The following BRINP3 variants were observed in gnomAD, a reference collection of about 807,000 sequenced individuals.
BRINP3 encodes the protein BMP/retinoic acid-inducible neural-specific protein 3.
Under a neutral mutation model 71.0 loss-of-function variants are expected in BRINP3, and 19 were observed. The ratio of observed to expected loss-of-function variants is 0.27; its 90% confidence interval spans 0.19 to 0.39. The LOEUF is 0.39. Among genes scored for constraint, BRINP3 ranks in the 10% least tolerant of loss-of-function variants. The probability of loss-of-function intolerance (pLI) is 1.00; values close to 1 mark genes in which losing one functional copy is unlikely to be tolerated. For synonymous variants in BRINP3, 380 were observed against 337.7 expected, an observed-to-expected ratio of 1.13 and a Z score of -1.37; for missense variants, 959 against 940.8, an observed-to-expected ratio of 1.02 and a Z score of -0.25.
At chr1:190,386,984 A>G (rs1305830272) in intron 2 of BRINP3, among the ~76,000 whole-genome samples, 1 of 151,958 alleles carries the variant, frequency 6.6e-6, no homozygotes, top group Non-Finnish European at 1.5e-5. Flanking sequence ...GCACCACCAC[A>G]CCACCAAAAA....
Position 190,340,269 on chromosome 1 carries a change from T to C in BRINP3, c.237-58519A>G, listed in dbSNP as rs79883548. On this transcript the variant is annotated intron_variant, in intron 2 of 7. Transcript: ENST00000367462. ...GAAAAGTAATCAAGGAATAGAAAAA[T>C]GGAGGACACTCCCCAAAAGACATTT... Among the ~76,000 whole-genome samples the C allele has an allele frequency of 5.1e-3, 777 of 151,882 alleles. 7 individuals are homozygous for C. Among genetic ancestry groups the C allele is most frequent in the African/African-American group, 0.018 (729 of 41,524 alleles).
chr1:190,227,309 A>G (rs1657483403), intron 5 of BRINP3, among the ~76,000 whole-genome samples: 1 of 151,874 alleles, frequency 6.6e-6, no homozygotes. Flanking sequence ...CATTTAGAAA[A>G]AAATTAATTT....
intron 2 of BRINP3, among the ~76,000 whole-genome samples, chr1:190,396,713 GATATATATAT>G (rs3077327): frequency 7.9e-5 from 8 of 101,006 alleles, no homozygotes; most frequent in East Asian, 3.0e-4. Context: ...CTAATTTAAT[GATATATATAT>G]ATATATATAT....
intron 2 of BRINP3, among the ~76,000 whole-genome samples, chr1:190,393,755 G>A (rs925862685): frequency 6.6e-6 from 1 of 151,440 alleles, no homozygotes; most frequent in African/African-American, 2.4e-5. Context: ...AACCTGGAGT[G>A]CATGTATTAC....
chr1:190,189,857 T>C (rs1653881501), intron 6 of BRINP3, among the ~76,000 whole-genome samples: 1 of 152,188 alleles, frequency 6.6e-6, no homozygotes, highest in Non-Finnish European at 1.5e-5. Flanking sequence ...TATTGTAAGA[T>C]ACAGGTACTT....
At chr1:190,449,858 T>C (rs992112136) in intron 2 of BRINP3, among the ~76,000 whole-genome samples, 1 of 152,192 alleles carries the variant, frequency 6.6e-6, no homozygotes, top group African/African-American at 2.4e-5. Flanking sequence ...CCTCTCCCTG[T>C]TGGTAATTTA....
chr1:190,131,427 A>T (rs948978108), intron 7 of BRINP3, among the ~76,000 whole-genome samples: 1 of 151,968 alleles, frequency 6.6e-6, no homozygotes, highest in African/African-American at 2.4e-5. Context: ...ATGGTACATA[A>T]TATCTCTGTC....
At chr1:190,271,951 A>T (rs1486602477) in intron 3 of BRINP3, among the ~76,000 whole-genome samples, 2 of 151,564 alleles carry the variant, frequency 1.3e-5, no homozygotes, top group African/African-American at 4.8e-5. Context: ...AGTAGGGATC[A>T]CCATTTTAGC....
At chr1:190,175,337 C>T (rs530818491) in intron 6 of BRINP3, among the ~76,000 whole-genome samples, 9 of 152,048 alleles carry the variant, frequency 5.9e-5, no homozygotes, top group Admixed American at 2.6e-4. Flanking sequence ...ATTATAATAG[C>T]GATTTACCAA....
chr1:190,352,218 AT>A (rs1188099265), intron 2 of BRINP3, among the ~76,000 whole-genome samples: 6 of 152,084 alleles, frequency 3.9e-5, no homozygotes, highest in Non-Finnish European at 8.8e-5. Flanking sequence ...TTCATCTATC[AT>A]TTTGACTACT....
rs763592755 is a variant in BRINP3 at position 190,098,421 on chromosome 1, A to T, written c.1898T>A (p.Ile633Asn). 1.2e-6 allele frequency: 2 copies of T among 1,614,174 alleles called. No homozygotes were observed. Among genetic ancestry groups the T allele is most frequent in the Non-Finnish European group, 1.7e-6 (2 of 1,180,034 alleles). ...ETVHIYLRSR[I>N]KSNGPNGNES... ...ATTACCATTGGGACCATTGGACTTG[A>T]TGCGACTTCTCAGGTAGATGTGTAC... Residue 633 changes from isoleucine (I) to asparagine (N), a missense_variant, in exon 8 of 8, where the codon ATC becomes AAC. Transcript: ENST00000367462.
intron 5 of BRINP3, among the ~76,000 whole-genome samples, chr1:190,227,418 C>T (rs1657498818): frequency 6.6e-6 from 1 of 151,484 alleles, no homozygotes; most frequent in Non-Finnish European, 1.5e-5. Context: ...TTCATTTCAC[C>T]TGGAATAAAT....
chr1:190,106,781 C>T (rs569193952), intron 7 of BRINP3, among the ~76,000 whole-genome samples: 8 of 151,844 alleles, frequency 5.3e-5, no homozygotes, highest in Admixed American at 3.9e-4. Flanking sequence ...GACTTATTTT[C>T]ATAATATCTG....
chr1:190,156,298 T>C (rs1468862731), intron 7 of BRINP3, among the ~76,000 whole-genome samples: 1 of 152,082 alleles, frequency 6.6e-6, no homozygotes, highest in East Asian at 1.9e-4. Context: ...TGCTTATTTT[T>C]CAAGATCTTA....
intron 2 of BRINP3, among the ~76,000 whole-genome samples, chr1:190,297,216 G>C (rs1027068690): frequency 6.6e-6 from 1 of 151,968 alleles, no homozygotes; most frequent in Non-Finnish European, 1.5e-5. Flanking sequence ...ACATAATAGA[G>C]AGGCCAGAAT....
intron 2 of BRINP3, among the ~76,000 whole-genome samples, chr1:190,428,381 G>A (rs937122658): frequency 1.3e-5 from 2 of 151,732 alleles, no homozygotes; most frequent in African/African-American, 4.8e-5. Flanking sequence ...GGAAAAGGAT[G>A]CCTTCTAGTT....
At chr1:190,439,277 A>C (rs531739474) in intron 2 of BRINP3, among the ~76,000 whole-genome samples, 1 of 152,056 alleles carries the variant, frequency 6.6e-6, no homozygotes, top group Admixed American at 6.6e-5. Flanking sequence ...GAATAAAGGG[A>C]AAATGAAGAG....
At chr1:190,166,379 A>G (rs532882583) in intron 6 of BRINP3, among the ~76,000 whole-genome samples, 106 of 152,316 alleles carry the variant, frequency 7.0e-4, no homozygotes, top group African/African-American at 1.9e-3. Context: ...CAATACATCA[A>G]GCCAATTAAT....
chr1:190,111,856 G>C (rs1420748718), intron 7 of BRINP3, among the ~76,000 whole-genome samples: 1 of 152,144 alleles, frequency 6.6e-6, no homozygotes, highest in African/African-American at 2.4e-5. Flanking sequence ...AGAACCTTCT[G>C]TGAATGGAGA....
Sources: gnomAD v4.1 joint callset for allele counts (sites outside exome capture counted in the v4.1 genomes callset) on GRCh38, gnomAD v4.1.1 for gene constraint, MANE v1.5 for transcripts, NCBI Gene and HGNC (gene_info 2026-07-23, HGNC 2026-07-21) for gene names.